TAF3: variants seen among roughly 807,000 people sequenced by gnomAD.
The protein encoded by TAF3 is TATA-box binding protein associated factor 3, also known as transcription initiation factor TFIID subunit 3.
TAF3 carries 7 observed loss-of-function variants against 80.6 expected under a neutral mutation model. The ratio of observed to expected loss-of-function variants is 0.09; its 90% CI spans 0.05 to 0.16. The LOEUF (loss-of-function observed/expected upper bound fraction) is 0.16. Among genes scored for constraint, TAF3 ranks in the 10% least tolerant of loss-of-function variants. The probability of loss-of-function intolerance (pLI) is 1.00; values close to 1 mark genes in which losing one functional copy is unlikely to be tolerated. For missense variants in TAF3, 921 were observed against 1,140.2 expected (o/e 0.81, Z 2.77); for synonymous variants, 444 against 446.1 (o/e 1.00, Z 0.06).
chr10:7,917,724 A>T (rs191400772), intron 2 of TAF3, among the ~76,000 whole-genome samples: 1 of 152,344 alleles, frequency 6.6e-6, no homozygotes, highest in African/African-American at 2.4e-5. Context: ...CAGTTGTGCT[A>T]CTGGACTAGA....
chr10:7,822,264 G>A lies in TAF3; in HGVS notation c.167-2054G>A, dbSNP rs890106894. On this transcript the variant is annotated intron_variant, in intron 1 of 6. Transcript: ENST00000344293. ...TGGTTAAAAAAAAAAAAAAAAGGTG[G>A]CCGAAGGGGACGGGGACAGGGTTAG... Among the ~76,000 whole-genome samples the A allele has an allele frequency of 4.6e-5, 7 of 150,896 alleles. 1 individual carries two copies. Among genetic ancestry groups the A allele is most frequent in the Admixed American group, 4.0e-4 (6 of 15,140 alleles).
rs548380137 is a variant in TAF3, at chr10:7,837,709, T to TAAGA, written c.409+13152_409+13153insAAAG. On this transcript the variant is annotated intron_variant, in intron 2 of 6. Transcript: ENST00000344293. The stretch of plus-strand genomic sequence containing the variant: ...GTAAGCCTGAGAGGCTGAGGTGGTG[T>TAAGA]AAGTACTCAGAGGCTGAGGTAGGGG... Among the ~76,000 whole-genome samples the TAAGA allele has an allele frequency of 3.6e-4, 55 of 152,032 alleles. No homozygotes were observed. In the South Asian group the frequency reaches 0.01, roughly 29 times the overall value.
intron 1 of TAF3, among the ~76,000 whole-genome samples, chr10:7,821,347 C>T (rs1407044309): frequency 1.3e-5 from 2 of 152,100 alleles, no homozygotes; most frequent in Non-Finnish European, 2.9e-5. Flanking sequence ...GTATTCCACC[C>T]CTTTAAATCC....
chr10:7,838,308 G>C (rs1836872477), intron 2 of TAF3, among the ~76,000 whole-genome samples: 1 of 152,118 alleles, frequency 6.6e-6, no homozygotes, highest in African/African-American at 2.4e-5. Context: ...GGAAGTCCCT[G>C]CTTGGCCAGG....
intron 2 of TAF3, among the ~76,000 whole-genome samples, chr10:7,910,393 A>G (rs1484299010): frequency 6.6e-6 from 1 of 152,082 alleles, no homozygotes; most frequent in Non-Finnish European, 1.5e-5. Context: ...TTTATTTATT[A>G]TTTTTGAGAC....
At chr10:7,895,538 GC>G (rs1837496578) in intron 2 of TAF3, among the ~76,000 whole-genome samples, 1 of 152,150 alleles carries the variant, frequency 6.6e-6, no homozygotes, top group Non-Finnish European at 1.5e-5. Context: ...CATCTATGCT[GC>G]TGAGTTGTCA....
At chr10:7,947,889 G>A (rs1358564076) in intron 2 of TAF3, among the ~76,000 whole-genome samples, 2 of 152,146 alleles carry the variant, frequency 1.3e-5, no homozygotes, top group African/African-American at 4.8e-5. Context: ...AGAAGCAGCG[G>A]TCATATTTAG....
At chr10:7,936,011 C>A (rs1052194442) in intron 2 of TAF3, among the ~76,000 whole-genome samples, 10 of 152,174 alleles carry the variant, frequency 6.6e-5, no homozygotes, top group African/African-American at 2.4e-4. Context: ...AGCAGCAAGT[C>A]CTGATGGAGG....
intron 2 of TAF3, among the ~76,000 whole-genome samples, chr10:7,826,668 A>G (rs992107642): frequency 3.3e-5 from 5 of 152,228 alleles, no homozygotes; most frequent in African/African-American, 9.6e-5. Flanking sequence ...AAGGAAAAAT[A>G]TTGCTGATTT....
At chr10:7,916,014 C>T (rs947422280) in intron 2 of TAF3, among the ~76,000 whole-genome samples, 1 of 151,780 alleles carries the variant, frequency 6.6e-6, no homozygotes, top group Non-Finnish European at 1.5e-5. Context: ...GTTTTTAAAG[C>T]CCCAGTCTTG....
chr10:7,875,630 T>A (rs1434888321), intron 2 of TAF3, among the ~76,000 whole-genome samples: 1 of 152,170 alleles, frequency 6.6e-6, no homozygotes, highest in Non-Finnish European at 1.5e-5. Context: ...TATCTTTGTG[T>A]GGTGGTCCTA....
intron 2 of TAF3, among the ~76,000 whole-genome samples, chr10:7,841,801 G>A (rs1836915548): frequency 6.6e-6 from 1 of 152,212 alleles, no homozygotes; most frequent in South Asian, 2.1e-4. Context: ...ATCTTAAACA[G>A]ACTGGCCAGA....
intron 2 of TAF3, among the ~76,000 whole-genome samples, chr10:7,887,356 C>A (rs1354548439): frequency 1.3e-5 from 2 of 151,936 alleles, no homozygotes; most frequent in Non-Finnish European, 2.9e-5. Flanking sequence ...ACCTGTGAAC[C>A]CAGCTTGAAA....
At chr10:7,838,584 G>A (rs554504862) in intron 2 of TAF3, among the ~76,000 whole-genome samples, 9 of 152,266 alleles carry the variant, frequency 5.9e-5, no homozygotes, top group East Asian at 1.9e-4. Flanking sequence ...ATTTCACCAT[G>A]TTGGCCAGGC....
At position 7,965,036 on chromosome 10, in the gene TAF3, A is replaced by C; in HGVS notation, c.1526A>C (p.Tyr509Ser). The C allele has an allele frequency of 6.2e-7, 1 of 1,614,124 alleles. No homozygotes were observed. Among genetic ancestry groups the C allele is most frequent in the Non-Finnish European group, 8.5e-7 (1 of 1,180,034 alleles). ...PPTPEPLHKV[Y>S]EEKTKLPSSV... ...ACTCCCGAACCTCTCCACAAGGTGTATGAGGAGAAAACCAAGCTGCCTTCC... is the reference window on the plus strand; with the variant it reads ...ACTCCCGAACCTCTCCACAAGGTGTCTGAGGAGAAAACCAAGCTGCCTTCC... The change falls in exon 3 of 7, where the codon TAT (tyrosine) becomes TCT (serine). Residue 509 changes from tyrosine to serine, a missense_variant. Physicochemically the swap from Tyr to Ser is moderately radical, Grantham distance 144. This residue lies in a region of TAF3 where 743 missense variants were observed against 821.0 expected (regional missense o/e 0.90). Transcript: ENST00000344293.
At chr10:7,983,434 T>C (rs567516194) in intron 4 of TAF3, among the ~76,000 whole-genome samples, 1 of 152,320 alleles carries the variant, frequency 6.6e-6, no homozygotes, top group Admixed American at 6.5e-5. Context: ...AGAACCTGGT[T>C]GGTGTACAAA....
chr10:7,825,926 G>C, intron 2 of TAF3, among the ~76,000 whole-genome samples: 1 of 152,156 alleles, frequency 6.6e-6, no homozygotes, highest in Admixed American at 6.6e-5. Flanking sequence ...GCACCACACT[G>C]TTTTCCACAG....
At chr10:7,943,634 C>T (rs550341180) in intron 2 of TAF3, among the ~76,000 whole-genome samples, 18 of 152,322 alleles carry the variant, frequency 1.2e-4, no homozygotes, top group Admixed American at 3.3e-4. Flanking sequence ...GAGCTCAAGG[C>T]ATACAGATGG....
chr10:7,929,780 T>C (rs898089683), intron 2 of TAF3, among the ~76,000 whole-genome samples: 2 of 152,120 alleles, frequency 1.3e-5, no homozygotes, highest in Non-Finnish European at 2.9e-5. Context: ...TCATTTTAGA[T>C]CTAGGCTTTA....
Sources: allele counts gnomAD v4.1 joint callset (sites outside exome capture counted in the v4.1 genomes callset), GRCh38; gene constraint gnomAD v4.1.1; regional missense constraint gnomAD v4.1.1; transcripts MANE v1.5; gene names NCBI Gene and HGNC (gene_info 2026-07-23, HGNC 2026-07-21).